Variants in TRHDE observed in about 807,000 individuals in gnomAD.
TRHDE encodes the protein thyrotropin releasing hormone degrading enzyme, also known as thyrotropin-releasing hormone-degrading ectoenzyme.
A neutral mutation model predicts 125.7 loss-of-function variants in TRHDE; 72 were observed. The observed-to-expected ratio is 0.57, with a 90% CI of 0.47 to 0.70. The LOEUF is 0.70. Among genes scored for constraint, TRHDE ranks in the 30% least tolerant of loss-of-function variants. TRHDE has a pLI of 0.00. For missense variants in TRHDE, 1,110 were observed against 1,327.1 expected, an observed-to-expected ratio of 0.84 and a Z score of 2.54; for synonymous variants, 509 against 509.1, an observed-to-expected ratio of 1.00 and a Z score of 0.00.
chr12:72,580,709 G>T (rs1871185169), intron 12 of TRHDE, among the ~76,000 whole-genome samples: 1 of 152,206 alleles, frequency 6.6e-6, no homozygotes. Flanking sequence ...CCAAAGGGCT[G>T]GGATTACAGG....
intron 3 of TRHDE, among the ~76,000 whole-genome samples, chr12:72,419,696 G>T (rs1301856543): frequency 6.6e-6 from 1 of 152,114 alleles, no homozygotes; most frequent in African/African-American, 2.4e-5. Flanking sequence ...ATTACATTTG[G>T]TGGGGAAAAA....
chr12:72,525,556 A>C (rs1329222160), intron 6 of TRHDE, among the ~76,000 whole-genome samples: 4 of 151,742 alleles, frequency 2.6e-5, no homozygotes, highest in Admixed American at 2.0e-4. Context: ...TAATCACAAG[A>C]AGCCTTGAAA....
intron 1 of TRHDE, among the ~76,000 whole-genome samples, chr12:72,104,185 T>C (rs1030857327): frequency 3.3e-5 from 5 of 152,198 alleles, no homozygotes; most frequent in Non-Finnish European, 4.4e-5. Context: ...TTTACTCTTA[T>C]ATTTCCCTTT....
At chr12:72,643,848 C>CTGAT (rs1377228601) in intron 15 of TRHDE, among the ~76,000 whole-genome samples, 1 of 152,072 alleles carries the variant, frequency 6.6e-6, no homozygotes, top group Non-Finnish European at 1.5e-5. Context: ...TCAAAGATGA[C>CTGAT]TGATTAAACT....
chr12:72,435,607 C>T (rs1342126880), intron 3 of TRHDE, among the ~76,000 whole-genome samples: 3 of 149,410 alleles, frequency 2.0e-5, no homozygotes, highest in African/African-American at 7.4e-5. Flanking sequence ...TTTGTGGATA[C>T]AGTACTTGAA....
chr12:72,097,427 ATTTT>A (rs1874953478), intron 1 of TRHDE, among the ~76,000 whole-genome samples: 3 of 124,784 alleles, frequency 2.4e-5, no homozygotes, highest in Non-Finnish European at 5.0e-5. Flanking sequence ...TTGCAGTAGC[ATTTT>A]CTCACTGAAT....
intron 2 of TRHDE, among the ~76,000 whole-genome samples, chr12:72,364,013 C>T (rs1416008590): frequency 6.6e-6 from 1 of 152,012 alleles, no homozygotes. Context: ...AGTGAACTCC[C>T]ATTCACAATT....
At chr12:72,276,522 C>T (rs17725446) in intron 1 of TRHDE, among the ~76,000 whole-genome samples, 27,114 of 152,062 alleles carry the variant, frequency 0.18, 2,550 homozygotes, top group Middle Eastern at 0.33. Flanking sequence ...ATTTTGGTGA[C>T]GGCAGGGAAA....
rs551106525 is a variant in TRHDE at position 72,549,471 on chromosome 12, T to C, written c.1788+7115T>C. Among the ~76,000 whole-genome samples the C allele has an allele frequency of 6.6e-5, 10 of 151,986 alleles. No individual in the cohort carries two copies. In the South Asian group the frequency reaches 1.7e-3, roughly 25 times the overall value. On this transcript the variant is annotated intron_variant, in intron 7 of 18. Transcript: ENST00000261180. ...CAGCTGAATCATACTCAATCTAAAATGAATGACCATAGAAGCTTTTGCTCA... is the reference window on the plus strand; with the variant it reads ...CAGCTGAATCATACTCAATCTAAAACGAATGACCATAGAAGCTTTTGCTCA...
chr12:72,549,838 T>G (rs2135996074), intron 7 of TRHDE, among the ~76,000 whole-genome samples: 1 of 151,982 alleles, frequency 6.6e-6, no homozygotes, highest in South Asian at 2.1e-4. Context: ...GAGAAATAAC[T>G]TTTATTCATC....
At chr12:72,636,031 T>A (rs1405845344) in intron 15 of TRHDE, among the ~76,000 whole-genome samples, 3 of 150,774 alleles carry the variant, frequency 2.0e-5, no homozygotes, top group African/African-American at 7.3e-5. Context: ...TTTTTCCAAT[T>A]CTGTGAAGAA....
At chr12:72,351,648 C>T (rs1334131321) in intron 2 of TRHDE, among the ~76,000 whole-genome samples, 2 of 151,924 alleles carry the variant, frequency 1.3e-5, no homozygotes, top group African/African-American at 2.4e-5. Context: ...TACTATCTCT[C>T]CATTGGACTA....
At chr12:72,280,157 C>G (rs1374543929) in intron 1 of TRHDE, among the ~76,000 whole-genome samples, 1 of 152,138 alleles carries the variant, frequency 6.6e-6, no homozygotes, top group Non-Finnish European at 1.5e-5. Context: ...GACTCTGCCA[C>G]TTATTAGCTT....
At chr12:72,450,903 T>C (rs938943402) in intron 3 of TRHDE, among the ~76,000 whole-genome samples, 2 of 152,152 alleles carry the variant, frequency 1.3e-5, no homozygotes, top group African/African-American at 4.8e-5. Context: ...ATTAGTGATG[T>C]TGACATTTTT....
intron 7 of TRHDE, among the ~76,000 whole-genome samples, chr12:72,546,148 C>T (rs994265183): frequency 6.6e-6 from 1 of 151,650 alleles, no homozygotes; most frequent in African/African-American, 2.4e-5. Flanking sequence ...CTAACTCTCA[C>T]ATAAAAGATC....
intron 1 of TRHDE, among the ~76,000 whole-genome samples, chr12:72,098,678 C>T (rs569608696): frequency 2.9e-4 from 44 of 152,242 alleles, no homozygotes; most frequent in Non-Finnish European, 4.9e-4. Flanking sequence ...TCCTCTTGTA[C>T]GGAAGACTGT....
intron 15 of TRHDE, among the ~76,000 whole-genome samples, chr12:72,625,068 A>G (rs1873204450): frequency 6.6e-6 from 1 of 151,848 alleles, no homozygotes; most frequent in East Asian, 1.9e-4. Flanking sequence ...CACTGAGTAG[A>G]AAAAAAATAG....
At chr12:72,114,563 T>C (rs1241641036) in intron 2 of TRHDE, among the ~76,000 whole-genome samples, 1 of 152,194 alleles carries the variant, frequency 6.6e-6, no homozygotes, top group Non-Finnish European at 1.5e-5. Context: ...TGTCTTCGCA[T>C]TGAGTAGGTG....
At chr12:72,382,613 T>TAAAC (rs1416543343) in intron 3 of TRHDE, among the ~76,000 whole-genome samples, 5 of 152,094 alleles carry the variant, frequency 3.3e-5, no homozygotes, top group African/African-American at 9.7e-5. Flanking sequence ...AATAAATAAA[T>TAAAC]AAACAGGAAG....
Sources: allele counts gnomAD v4.1 joint callset (sites outside exome capture counted in the v4.1 genomes callset), GRCh38; gene constraint gnomAD v4.1.1; transcripts MANE v1.5; gene names NCBI Gene and HGNC (gene_info 2026-07-23, HGNC 2026-07-21).